EMID1: variants seen among roughly 807,000 people sequenced by gnomAD.
EMID1 encodes EMI domain-containing protein 1.
A neutral mutation model predicts 60.6 loss-of-function variants in EMID1; 40 were observed. That is an observed-to-expected ratio of 0.66 (90% confidence interval 0.51 to 0.86). The LOEUF is 0.86. EMID1 is among the 40% of genes least tolerant of loss of function. EMID1 has a pLI of 0.00. For missense variants in EMID1, 585 were observed against 597.1 expected (o/e 0.98, Z 0.21); for synonymous variants, 242 against 231.0 (o/e 1.05, Z -0.43).
chr22:29,215,228 C>T, intron 2 of EMID1, 189 bp downstream of exon 2: 6 of 985,438 alleles, frequency 6.1e-6, no homozygotes, highest in Non-Finnish European at 7.2e-6. Context: ...GGAGGGCTTC[C>T]TGAGGGATGG....
rs1473144493 is a variant in EMID1 at position 29,232,380 on chromosome 22, C to A, written c.801C>A (p.Pro267=). Residue 267 remains proline, a synonymous_variant, in exon 8 of 15, where the codon CCC becomes CCA. Transcript: ENST00000334018. ...GGCCCCCAGCCCCTGTTGGGCCACC[C>A]CATGCCCGGATCTCCCAGCATGGTG... The part of the protein sequence containing the change: ...PPGPPAPVGP[P]HARISQHGDP... 2 of 1,589,564 alleles carry A rather than the reference C, an allele frequency of 1.3e-6. No homozygotes were observed. Among genetic ancestry groups the A allele is most frequent in the East Asian group, 2.3e-5 (1 of 44,332 alleles).
At chr22:29,254,409 GC>G in intron 14 of EMID1, 122 bp downstream of exon 14, 1 of 930,714 alleles carries the variant, frequency 1.1e-6, no homozygotes, top group Non-Finnish European at 1.7e-6. Context: ...CCTGCCCCAG[GC>G]AAGCATGGAC....
chr22:29,255,513 A>C (rs972481598), intron 14 of EMID1: 3 of 564,758 alleles, frequency 5.3e-6, no homozygotes, highest in Non-Finnish European at 9.0e-6. Flanking sequence ...TGCCTGGCAG[A>C]GAGAAGGCTC....
intron 3 of EMID1, among the ~76,000 whole-genome samples, chr22:29,222,406 C>CTT (rs67787562): frequency 1.1e-5 from 1 of 88,696 alleles, no homozygotes; most frequent in Non-Finnish European, 2.3e-5. Flanking sequence ...TTTATGCTGA[C>CTT]TTTTTTTTTT....
intron 14 of EMID1, chr22:29,254,595 G>T: frequency 3.2e-6 from 1 of 316,252 alleles, no homozygotes; most frequent in Non-Finnish European, 6.1e-6. Context: ...AAGTTTGGAA[G>T]AAATTATGGG....
intron 3 of EMID1, chr22:29,216,407 A>C: frequency 4.1e-6 from 4 of 985,438 alleles, no homozygotes; most frequent in Non-Finnish European, 4.8e-6. Flanking sequence ...TTTGGACACC[A>C]AGAGCTGTGT....
Position 29,259,095 on chromosome 22 carries a change from C to G in EMID1, c.*151C>G, listed in dbSNP as rs2058073469. ...CCTTAGGGGTAAGCAGGTCTCAGTC[C>G]TGGCACCATGCACATGTCTGAGGCT... On this transcript the variant is annotated 3_prime_UTR_variant, in exon 15 of 15. Transcript: ENST00000334018. 1 of 1,216,122 alleles carries G rather than the reference C, an allele frequency of 8.2e-7. No individual in the cohort carries two copies. The highest frequency in any genetic ancestry group is 1.1e-6 in the Non-Finnish European group (1 of 889,574). 75.3% of individuals were successfully genotyped at this position (1,216,122 alleles called of 1,614,324 possible). A position where few individuals can be genotyped will look rare whatever the true frequency, so the allele number is the denominator to read the frequency against.
At position 29,234,185 on chromosome 22, in the gene EMID1, G is replaced by A. The variant is rs745900680; in HGVS notation, c.1015G>A (p.Glu339Lys). The A allele has an allele frequency of 6.2e-7, 1 of 1,604,454 alleles. No individual in the cohort carries two copies. Among genetic ancestry groups the A allele is most frequent in the Non-Finnish European group, 8.5e-7 (1 of 1,175,308 alleles). ...CAAAGGAATCTCTGGCCACCCAGGAGAGAAGGGCGAGAGAGTGAGTACCCA... is the reference window on the plus strand; with the variant it reads ...CAAAGGAATCTCTGGCCACCCAGGAAAGAAGGGCGAGAGAGTGAGTACCCA... ...GPKGISGHPG[E>K]KGERGLRGEP... Residue 339 changes from glutamate (E) to lysine (K), a missense_variant, in exon 11 of 15, where the codon GAG becomes AAG. By Grantham distance (56) the Glu-to-Lys change is moderately conservative (BLOSUM62 1). Coordinates refer to ENST00000334018, the MANE Select transcript of EMID1 (RefSeq NM_133455.4).
chr22:29,235,726 TTC>T (rs1391256061), intron 12 of EMID1, among the ~76,000 whole-genome samples: 1 of 151,620 alleles, frequency 6.6e-6, no homozygotes, highest in Non-Finnish European at 1.5e-5. Context: ...ACTTAAAATC[TTC>T]TCTTTCTAAA....
Position 29,215,532 on chromosome 22 carries a change from G to C in EMID1, c.221G>C (p.Arg74Thr). The change falls in exon 3 of 15, where the codon AGA becomes ACA. Residue 74 changes from arginine (R) to threonine (T), a missense_variant. Coordinates refer to ENST00000334018, the MANE Select transcript of EMID1 (RefSeq NM_133455.4). Reference protein sequence around the residue: ...WPMSCPGSSYRTVVRPTYKVM... With the variant: ...WPMSCPGSSYTTVVRPTYKVM... ...CCACCTGGGGACTCTTTCAGCTACA[G>C]AACTGTGGTGAGACCCACATACAAG... 6.2e-7 allele frequency: 1 copy of C among 1,613,924 alleles called. No homozygotes were observed. Among genetic ancestry groups the C allele is most frequent in the South Asian group, 1.1e-5 (1 of 91,068 alleles).
intron 1 of EMID1, 94 bp downstream of exon 1, chr22:29,206,233 C>G: frequency 1.0e-6 from 1 of 987,204 alleles, no homozygotes. Flanking sequence ...GGAGGGCGAT[C>G]CAGTCCCCAG....
chr22:29,248,596 C>T (rs2041414086), intron 13 of EMID1, among the ~76,000 whole-genome samples: 1 of 152,130 alleles, frequency 6.6e-6, no homozygotes, highest in South Asian at 2.1e-4. Flanking sequence ...ATAATCCCAG[C>T]ACTTTGGGAG....
intron 12 of EMID1, among the ~76,000 whole-genome samples, chr22:29,235,872 C>T (rs1351751252): frequency 6.7e-6 from 1 of 148,600 alleles, no homozygotes; most frequent in African/African-American, 2.5e-5. Context: ...TCACTGTAGC[C>T]CCAACCTCCC....
intron 7 of EMID1, 122 bp from the exon 8 acceptor site, chr22:29,232,134 C>A: frequency 8.9e-7 from 1 of 1,123,988 alleles, no homozygotes; most frequent in Non-Finnish European, 1.3e-6. Flanking sequence ...GCAGCCTAGG[C>A]CTGTGGACTC....
At chr22:29,233,024 G>C (rs73154299) in intron 8 of EMID1, 14,014 of 294,426 alleles carry the variant, frequency 0.048, 435 homozygotes, top group Middle Eastern at 0.074. Context: ...CAGCCTCCCA[G>C]AGCTGCGTAA....
In EMID1 at chr22:29,231,069, C is replaced by A; in HGVS notation, c.515C>A (p.Thr172Asn). The change falls in exon 6 of 15, where the codon ACC (threonine) becomes AAC (asparagine). Residue 172 changes from threonine to asparagine, a missense_variant. Coordinates refer to ENST00000334018, the MANE Select transcript of EMID1 (RefSeq NM_133455.4). ...CAGCCAGTACCTCCAACACCAGCTA[C>A]CCCTGAGGACCCTGCCCCGCTCTGG... is the stretch of plus-strand genomic sequence containing the variant. The part of the protein sequence containing the change: ...IEQPVPPTPA[T>N]PEDPAPLWGP... The A allele has an allele frequency of 1.2e-6, 2 of 1,614,012 alleles. No individual in the cohort carries two copies. Among genetic ancestry groups the A allele is most frequent in the Non-Finnish European group, 8.5e-7 (1 of 1,179,934 alleles).
chr22:29,243,482 GC>G lies in EMID1; in HGVS notation c.1114del (p.His372ThrfsTer13). On this transcript the variant is annotated frameshift_variant, in exon 13 of 15. Coordinates refer to ENST00000334018, the MANE Select transcript of EMID1 (RefSeq NM_133455.4). LOFTEE classifies it high-confidence loss of function. ...CCTAAGGGAGACCCTGGTGAGAAGA[GC>G]CACTGGGTAAGCTCTGGCCTGGCAC... ...PGPKGDPGEK[S>X]HWGEGLHQLR... 1 of 1,614,128 alleles carries G rather than the reference GC, an allele frequency of 6.2e-7. No homozygotes were observed. Among genetic ancestry groups the G allele is most frequent in the African/African-American group, 1.3e-5 (1 of 75,020 alleles).
intron 5 of EMID1, among the ~76,000 whole-genome samples, chr22:29,227,244 C>G (rs2040549598): frequency 6.6e-6 from 1 of 152,114 alleles, no homozygotes; most frequent in East Asian, 1.9e-4. Flanking sequence ...GTGAACAATA[C>G]CACATCCAGC....
chr22:29,250,561 C>CT (rs112503246), intron 13 of EMID1, among the ~76,000 whole-genome samples: 88,608 of 147,878 alleles, frequency 0.6, 26,604 homozygotes, highest in Middle Eastern at 0.66. Context: ...TTTATTTTAT[C>CT]TTTTTTTTTT....
Sources: allele counts gnomAD v4.1 joint callset (sites outside exome capture counted in the v4.1 genomes callset), GRCh38; gene constraint gnomAD v4.1.1; transcripts MANE v1.5; gene names NCBI Gene and HGNC (gene_info 2026-07-23, HGNC 2026-07-21).